PYGM: variants seen among roughly 807,000 people sequenced by gnomAD.
PYGM encodes the protein glycogen phosphorylase, muscle associated.
PYGM carries 81 observed loss-of-function variants against 99.3 expected under a neutral mutation model. That is an observed-to-expected ratio of 0.82 (90% confidence interval 0.68 to 0.98). The LOEUF is 0.98. PYGM is among the 50% of genes least tolerant of loss of function. PYGM has a pLI of 0.00. For synonymous variants in PYGM, 436 were observed against 451.5 expected (o/e 0.97, Z 0.44); for missense variants, 1,030 against 1,158.1 (o/e 0.89, Z 1.61).
chr11:64,751,513 C>T (rs565942259), intron 15 of PYGM, 47 bp from the exon 16 acceptor site: 2 of 1,614,138 alleles, frequency 1.2e-6, no homozygotes, highest in East Asian at 4.5e-5. Flanking sequence ...GGCCCCCCAC[C>T]CCCTATCCTG....
At chr11:64,749,305 C>A (rs958588078) in intron 17 of PYGM, among the ~76,000 whole-genome samples, 8 of 151,924 alleles carry the variant, frequency 5.3e-5, no homozygotes, top group African/African-American at 1.9e-4. Context: ...CAAGATCGTG[C>A]CATTGCACTG....
At chr11:64,748,357 T>TGC (rs1257229725) in intron 17 of PYGM, 1 of 152,184 alleles carries the variant, frequency 6.6e-6, no homozygotes, top group East Asian at 1.9e-4. Context: ...AGCTCCCTCC[T>TGC]GCCCATGGGA....
chr11:64,749,419 G>A (rs1454194399), intron 17 of PYGM, among the ~76,000 whole-genome samples: 1 of 151,662 alleles, frequency 6.6e-6, no homozygotes, highest in African/African-American at 2.4e-5. Flanking sequence ...GAGGCAGGCA[G>A]ATCACGAGGT....
intron 17 of PYGM, chr11:64,747,595 A>T: frequency 1.8e-6 from 1 of 554,150 alleles, no homozygotes; most frequent in Non-Finnish European, 3.2e-6. Context: ...GCTAAGTGTT[A>T]GAGCCAAGGC....
chr11:64,750,386 C>A lies in PYGM; in HGVS notation c.2167G>T (p.Asp723Tyr). 1 of 1,614,048 alleles carries A rather than the reference C, an allele frequency of 6.2e-7. No homozygotes were observed. Among genetic ancestry groups the A allele is most frequent in the African/African-American group, 1.3e-5 (1 of 75,024 alleles). The stretch of plus-strand genomic sequence containing the variant: ...CCCTGACCCCCATACCCTCTTTGGT[C>A]AAGCTTATCCACATCCTCCACCCGC... ...GMRVEDVDKL[D>Y]QRGYNAQEYY... The change falls in exon 17 of 20, where the codon GAC becomes TAC. Residue 723 changes from aspartate (D) to tyrosine (Y), a missense_variant. By Grantham distance (160) the Asp-to-Tyr change is radical. Coordinates refer to ENST00000164139, the MANE Select transcript of PYGM (RefSeq NM_005609.4).
chr11:64,747,043 A>C (rs529833583), intron 18 of PYGM, 56 bp from the exon 19 acceptor site: 3 of 1,600,288 alleles, frequency 1.9e-6, no homozygotes, highest in South Asian at 2.2e-5. Flanking sequence ...GATAAGTTCT[A>C]TGAGGTCAAG....
Position 64,759,813 on chromosome 11 carries a change from T to C in PYGM, c.86A>G (p.Lys29Arg). The C allele has an allele frequency of 1.2e-6, 2 of 1,614,052 alleles. No homozygotes were observed. The highest frequency in any genetic ancestry group is 4.5e-5 in the East Asian group (2 of 44,890). Residue 29 changes from lysine (K) to arginine (R), a missense_variant, in exon 1 of 20, where the codon AAA (lysine) becomes AGA (arginine). Transcript: ENST00000164139. ...ATGCAGGTGCCGGTTGAAGTTCTTT[T>C]TCAGCTCAGTCACGTTCTCCACGCC... ...LAGVENVTEL[K>R]KNFNRHLHFT...
rs1468284997 is a variant in PYGM, at chr11:64,755,236, C to G, written c.855+37G>C. On this transcript the variant is annotated intron_variant, in intron 7 of 19. Coordinates refer to ENST00000164139, the MANE Select transcript of PYGM (RefSeq NM_005609.4). This position sits in a 1 kb window ranked among gnomAD's most constrained non-coding sequence, Gnocchi z 4.1. ...TCTCCCTGACCCCTGCTGCCAAGGACTCAGGCTTCCAGCCCCCAGCCCAGG... is the reference window on the plus strand; with the variant it reads ...TCTCCCTGACCCCTGCTGCCAAGGAGTCAGGCTTCCAGCCCCCAGCCCAGG... The G allele has an allele frequency of 6.3e-7, 1 of 1,596,692 alleles. No homozygotes were observed. The highest frequency in any genetic ancestry group is 1.7e-5 in the Admixed American group (1 of 59,992).
At chr11:64,750,668 C>CT (rs778583383) in intron 16 of PYGM, 85 bp from the exon 17 acceptor site, 47 of 1,337,110 alleles carry the variant, frequency 3.5e-5, no homozygotes, top group Non-Finnish European at 4.4e-5. Context: ...TGGCCCCAGG[C>CT]ATAGCTGGAC....
chr11:64,747,484 C>T, intron 17 of PYGM, 126 bp from the exon 18 acceptor site: 2 of 1,254,798 alleles, frequency 1.6e-6, no homozygotes, highest in East Asian at 2.4e-5. Context: ...CCCAGGGCTG[C>T]CACATCGCCC....
rs565688 is a variant in PYGM at position 64,752,902 on chromosome 11, T to A, written c.1518+171A>T. On this transcript the variant is annotated intron_variant, in intron 12 of 19. Transcript: ENST00000164139. ...TAGCACACAGAGCACCCTCATGCAA[T>A]TAAGATGGTGTCCCTCCTCCAGGTG... 0.92 allele frequency among the ~76,000 whole-genome samples: 139,755 copies of A among 152,248 alleles called. 65,362 individuals carry two copies. The highest frequency in any genetic ancestry group is 1 in the East Asian group (5,174 of 5,176).
chr11:64,746,849 G>T, intron 19 of PYGM, 41 bp from the exon 20 acceptor site: 1 of 1,614,122 alleles, frequency 6.2e-7, no homozygotes, highest in Non-Finnish European at 8.5e-7. Flanking sequence ...CTGCTGGCAG[G>T]ATCTCCACCT....
In PYGM at chr11:64,751,922, A is replaced by C. The variant is rs747513238; in HGVS notation, c.1768+2T>G. On this transcript the variant is annotated splice_donor_variant, in intron 14 of 19. Transcript: ENST00000164139. LOFTEE classifies it high-confidence loss of function. ...AGACAGGGTAGAGTGGCTGCCACTC[A>C]CGGTTGTACAGGGTGATGACATGGA... 6 of 1,614,166 alleles carry C rather than the reference A, an allele frequency of 3.7e-6. No homozygotes were observed. In the Admixed American group the frequency reaches 1.0e-4, roughly 27 times the overall value.
At chr11:64,760,059 G>T, upstream of PYGM, 1 of 1,159,766 alleles carries the variant, frequency 8.6e-7, no homozygotes, top group Non-Finnish European at 1.2e-6. Context: ...TCTTGGCCTG[G>T]CAGCTCAGGG....
At chr11:64,746,394 A>C, downstream of PYGM, 1 of 572,922 alleles carries the variant, frequency 1.7e-6, no homozygotes, top group South Asian at 2.1e-5. Context: ...AGGAGTAAGG[A>C]GGCTCCCAAG....
intron 5 of PYGM, among the ~76,000 whole-genome samples, chr11:64,757,334 G>A (rs2058400365): frequency 6.6e-6 from 1 of 152,060 alleles, no homozygotes; most frequent in African/African-American, 2.4e-5. Context: ...CTGGGATTAC[G>A]GGCATGAGCC....
At chr11:64,758,099 G>A in intron 4 of PYGM, 147 bp downstream of exon 4, 1 of 1,332,572 alleles carries the variant, frequency 7.5e-7, no homozygotes, top group Non-Finnish European at 1.1e-6. Context: ...AGGGGCACCA[G>A]CTGGCTTTGG....
Position 64,752,414 on chromosome 11 carries a change from T to G in PYGM, c.1609A>C (p.Lys537Gln), listed in dbSNP as rs757944811. 12 of 1,614,096 alleles carry G rather than the reference T, an allele frequency of 7.4e-6. No homozygotes were observed. The highest frequency in any genetic ancestry group is 1.1e-5 in the South Asian group (1 of 91,088). The change falls in exon 13 of 20, where the codon AAA becomes CAA. Residue 537 changes from lysine to glutamine, a missense_variant. Lys to Gln is a moderately conservative substitution (Grantham distance 53). Transcript: ENST00000164139. ...GCATCTCTCCCCACCTGCTTCACTT[T>G]GGCCACATCCCGAATGAAAGCTTCA... ...DDEAFIRDVA[K>Q]VKQENKLKFA... is the part of the protein sequence containing the mutation.
chr11:64,757,252 C>T (rs2058399768), intron 5 of PYGM, among the ~76,000 whole-genome samples: 1 of 151,968 alleles, frequency 6.6e-6, no homozygotes, highest in Non-Finnish European at 1.5e-5. Context: ...GAGACAGGGT[C>T]TCTCTATGTT....
Sources: gnomAD v4.1 joint callset for allele counts (sites outside exome capture counted in the v4.1 genomes callset) on GRCh38, gnomAD v4.1.1 for gene constraint, Gnocchi (gnomAD v3.1) non-coding constraint, MANE v1.5 for transcripts, NCBI Gene and HGNC (gene_info 2026-07-23, HGNC 2026-07-21) for gene names.